NOL4: variants seen among roughly 807,000 people sequenced by gnomAD.
NOL4 encodes the protein nucleolar protein 4.
Under a neutral mutation model 75.9 loss-of-function variants are expected in NOL4, and 17 were observed. The ratio of observed to expected loss-of-function variants is 0.22; its 90% confidence interval spans 0.15 to 0.34. NOL4 has a LOEUF of 0.34. NOL4 is among the 10% of genes least tolerant of loss of function. NOL4 has a pLI of 1.00. For missense variants in NOL4, 614 were observed against 793.5 expected (o/e 0.77, Z 2.72); for synonymous variants, 292 against 289.9 (o/e 1.01, Z -0.07).
At chr18:33,920,631 G>C (rs1400411335) in intron 9 of NOL4, among the ~76,000 whole-genome samples, 1 of 152,146 alleles carries the variant, frequency 6.6e-6, no homozygotes, top group Non-Finnish European at 1.5e-5. Context: ...AAAGAGATTA[G>C]GTATGTGATT....
chr18:34,205,475 G>T (rs10445468), intron 1 of NOL4, among the ~76,000 whole-genome samples: 23 of 151,814 alleles, frequency 1.5e-4, no homozygotes, highest in African/African-American at 5.3e-4. Flanking sequence ...CACCCAAAGC[G>T]GTTTCTGAGC....
chr18:34,068,136 G>A (rs907320056), intron 5 of NOL4, among the ~76,000 whole-genome samples: 1 of 152,160 alleles, frequency 6.6e-6, no homozygotes, highest in Non-Finnish European at 1.5e-5. Flanking sequence ...TACATGAAGT[G>A]GGCATTAATG....
At chr18:34,185,742 A>C (rs1274214987) in intron 1 of NOL4, among the ~76,000 whole-genome samples, 1 of 152,130 alleles carries the variant, frequency 6.6e-6, no homozygotes, top group Non-Finnish European at 1.5e-5. Flanking sequence ...TCTCATTTCA[A>C]GAATAAGGCT....
chr18:33,995,598 A>T (rs1388832104), intron 6 of NOL4, among the ~76,000 whole-genome samples: 1 of 151,630 alleles, frequency 6.6e-6, no homozygotes, highest in Non-Finnish European at 1.5e-5. Context: ...TCTCAGAGAA[A>T]CGTCTACCAA....
At chr18:33,986,148 G>A (rs1490546105) in intron 6 of NOL4, among the ~76,000 whole-genome samples, 1 of 152,024 alleles carries the variant, frequency 6.6e-6, no homozygotes, top group African/African-American at 2.4e-5. Flanking sequence ...TACTTTATGA[G>A]GCAAACCATG....
At chr18:33,991,532 AT>A (rs545863570) in intron 6 of NOL4, among the ~76,000 whole-genome samples, 2 of 151,770 alleles carry the variant, frequency 1.3e-5, no homozygotes, top group South Asian at 2.1e-4. Flanking sequence ...ATTACACTGC[AT>A]TTTTTTTACA....
At chr18:33,967,356 T>A (rs568656344) in intron 6 of NOL4, among the ~76,000 whole-genome samples, 22 of 152,134 alleles carry the variant, frequency 1.4e-4, no homozygotes, top group African/African-American at 5.3e-4. Flanking sequence ...GATCTCAAAC[T>A]ATAAAAATTC....
intron 1 of NOL4, among the ~76,000 whole-genome samples, chr18:34,143,068 G>A (rs964462084): frequency 1.3e-5 from 2 of 151,868 alleles, no homozygotes; most frequent in Middle Eastern, 3.2e-3. Flanking sequence ...CGAGGAGGGA[G>A]GGGAAGGGAG....
chr18:34,017,451 ACTT>A (rs755610069), intron 6 of NOL4, among the ~76,000 whole-genome samples: 6 of 152,138 alleles, frequency 3.9e-5, no homozygotes, highest in Non-Finnish European at 5.9e-5. Context: ...CAGAGCCATC[ACTT>A]CCATGTGGTA....
At chr18:34,101,149 A>G (rs2079025304) in intron 4 of NOL4, among the ~76,000 whole-genome samples, 1 of 152,140 alleles carries the variant, frequency 6.6e-6, no homozygotes, top group Non-Finnish European at 1.5e-5. Context: ...AACATCCATC[A>G]GAAGCTTTTG....
At chr18:34,126,056 A>G (rs2080373747) in intron 2 of NOL4, among the ~76,000 whole-genome samples, 1 of 152,120 alleles carries the variant, frequency 6.6e-6, no homozygotes, top group Admixed American at 6.6e-5. Context: ...AATTAGATCC[A>G]TAATTGTAAC....
At chr18:34,197,648 A>G (rs2035428301) in intron 1 of NOL4, among the ~76,000 whole-genome samples, 1 of 152,004 alleles carries the variant, frequency 6.6e-6, no homozygotes, top group Non-Finnish European at 1.5e-5. Flanking sequence ...ACATGCTGTA[A>G]AAAGTGTCAC....
chr18:34,221,959 AG>A, intron 1 of NOL4: 1 of 1,408,614 alleles, frequency 7.1e-7, no homozygotes, highest in East Asian at 2.5e-5. Context: ...CCCCAAAGCG[AG>A]GCAAAAATAC....
At chr18:33,887,916 A>G (rs1201713093) in intron 9 of NOL4, among the ~76,000 whole-genome samples, 4 of 152,068 alleles carry the variant, frequency 2.6e-5, no homozygotes, top group African/African-American at 7.2e-5. Context: ...ATGATTTATC[A>G]TCCTTTGGGT....
intron 6 of NOL4, among the ~76,000 whole-genome samples, chr18:33,988,074 T>C (rs1274417197): frequency 6.6e-6 from 1 of 152,098 alleles, no homozygotes; most frequent in Non-Finnish European, 1.5e-5. Context: ...ATATGAAGTC[T>C]TGGGTTTCCA....
chr18:33,910,466 C>T (rs2066332358), intron 9 of NOL4, among the ~76,000 whole-genome samples: 1 of 152,044 alleles, frequency 6.6e-6, no homozygotes, highest in East Asian at 1.9e-4. Context: ...TCCTGACAGA[C>T]ATTCCCTCTC....
At chr18:34,156,297 T>C (rs906596407) in intron 1 of NOL4, among the ~76,000 whole-genome samples, 1 of 152,166 alleles carries the variant, frequency 6.6e-6, no homozygotes, top group Non-Finnish European at 1.5e-5. Context: ...TAAATAATTA[T>C]TATTACTGTT....
chr18:34,037,790 A>G (rs2075974389), intron 5 of NOL4, among the ~76,000 whole-genome samples: 1 of 152,104 alleles, frequency 6.6e-6, no homozygotes, highest in Admixed American at 6.5e-5. Context: ...ACACTTACCC[A>G]AAATTATAAA....
At chr18:34,086,558 A>C (rs950987056) in intron 5 of NOL4, among the ~76,000 whole-genome samples, 5 of 152,120 alleles carry the variant, frequency 3.3e-5, no homozygotes, top group African/African-American at 4.8e-5. Context: ...GTTTTATTAG[A>C]TTTTCCAATG....
Sources: gnomAD v4.1 joint callset for allele counts (sites outside exome capture counted in the v4.1 genomes callset) on GRCh38, gnomAD v4.1.1 for gene constraint, MANE v1.5 for transcripts, NCBI Gene and HGNC (gene_info 2026-07-23, HGNC 2026-07-21) for gene names.